Variants in PRKDC observed in about 807,000 individuals in gnomAD.
PRKDC encodes the protein protein kinase, DNA-activated, catalytic subunit, also known as DNA-dependent protein kinase catalytic subunit.
Under a neutral mutation model 486.9 loss-of-function variants are expected in PRKDC, and 82 were observed. The ratio of observed to expected loss-of-function variants is 0.17; its 90% CI spans 0.14 to 0.20. The LOEUF (loss-of-function observed/expected upper bound fraction) is 0.20, where lower values mean the gene tolerates loss of function less well. Ranked by LOEUF, PRKDC falls within the 10% of genes least tolerant of loss-of-function variation. The pLI, the probability that PRKDC is intolerant of heterozygous loss-of-function variation, is 1.00. For missense variants in PRKDC, 4,504 were observed against 5,038.2 expected (o/e 0.89, Z 3.21); for synonymous variants, 1,895 against 1,837.0 (o/e 1.03, Z -0.81).
intron 15 of PRKDC, 130 bp from the exon 16 acceptor site, chr8:47,933,302 C>T (rs1432966942): frequency 1.4e-6 from 1 of 723,608 alleles, no homozygotes. Flanking sequence ...TGATAAACTG[C>T]AGCAGATTTA....
intron 30 of PRKDC, among the ~76,000 whole-genome samples, chr8:47,894,096 C>G (rs1341171187): frequency 6.6e-6 from 1 of 152,094 alleles, no homozygotes; most frequent in Non-Finnish European, 1.5e-5. Context: ...GCCTGGCCAA[C>G]ATGGTGAAAC....
At chr8:47,871,404 A>C (rs938577905) in intron 40 of PRKDC, among the ~76,000 whole-genome samples, 2 of 152,194 alleles carry the variant, frequency 1.3e-5, no homozygotes, top group African/African-American at 4.8e-5. Context: ...TATGGGTGGA[A>C]ACTTTACAGG....
At chr8:47,906,776 A>G (rs2089790827) in intron 25 of PRKDC, among the ~76,000 whole-genome samples, 2 of 151,484 alleles carry the variant, frequency 1.3e-5, no homozygotes, top group South Asian at 4.1e-4. Flanking sequence ...GAGCTCAACA[A>G]TTAAGTACTT....
chr8:47,941,729 G>C (rs1300171077), intron 10 of PRKDC, among the ~76,000 whole-genome samples: 1 of 152,192 alleles, frequency 6.6e-6, no homozygotes, highest in African/African-American at 2.4e-5. Context: ...TCCCAAACTT[G>C]CAACAGGCAT....
At chr8:47,956,366 G>A (rs1159519695) in intron 3 of PRKDC, among the ~76,000 whole-genome samples, 1 of 151,124 alleles carries the variant, frequency 6.6e-6, no homozygotes, top group Non-Finnish European at 1.5e-5. Flanking sequence ...TGTGGTTCAC[G>A]CCTATAATCC....
chr8:47,861,341 G>A (rs2088673313), intron 44 of PRKDC, among the ~76,000 whole-genome samples: 1 of 152,136 alleles, frequency 6.6e-6, no homozygotes, highest in Non-Finnish European at 1.5e-5. Context: ...GTAAAATATA[G>A]AAGTAACATA....
chr8:47,825,516 A>AC (rs1157899604), intron 63 of PRKDC, among the ~76,000 whole-genome samples: 1 of 150,806 alleles, frequency 6.6e-6, no homozygotes, highest in African/African-American at 2.4e-5. Flanking sequence ...AAAAAAAAAA[A>AC]AAAAAAAAAA....
Position 47,888,617 on chromosome 8 carries a change from G to A in PRKDC, c.4314C>T (p.Gly1438=), listed in dbSNP as rs771018937. 5 of 1,594,332 alleles carry A rather than the reference G, an allele frequency of 3.1e-6. No individual in the cohort carries two copies. The highest frequency in any genetic ancestry group is 4.5e-5 in the East Asian group (2 of 44,286). Residue 1438 remains glycine (G), a synonymous_variant, in exon 34 of 86, where the codon GGC becomes GGT. Transcript: ENST00000314191. ...TGCTCCTGTCCACTTGCGCGTCAGG[G>A]CCATACAAGTTGACGGCACAAAGCT... The part of the protein sequence containing the change: ...IEELCAVNLY[G]PDAQVDRSRL...
At position 47,839,260 on chromosome 8, in the gene PRKDC, C is replaced by G. The variant is rs757106013; in HGVS notation, c.7455-14G>C. On this transcript the variant is annotated splice_polypyrimidine_tract_variant and intron_variant, in intron 55 of 85. Coordinates refer to ENST00000314191, the MANE Select transcript of PRKDC (RefSeq NM_006904.7). ...CTTTCTGGATCTCTGCTTGAGAAAACAGCAAAATGTCACAACATTAATGCT... is the reference window on the plus strand; with the variant it reads ...CTTTCTGGATCTCTGCTTGAGAAAAGAGCAAAATGTCACAACATTAATGCT... 6.3e-6 allele frequency: 10 copies of G among 1,576,496 alleles called. No homozygotes were observed. In the South Asian group the frequency reaches 1.1e-4, roughly 18 times the overall value.
intron 40 of PRKDC, among the ~76,000 whole-genome samples, chr8:47,873,272 C>T (rs1199089243): frequency 6.8e-6 from 1 of 147,724 alleles, no homozygotes; most frequent in African/African-American, 2.5e-5. Flanking sequence ...CGAGTTGGCT[C>T]AAGCCTGTAA....
At position 47,892,835 on chromosome 8, in the gene PRKDC, T is replaced by C. The variant is rs557158560; in HGVS notation, c.3847+304A>G. On this transcript the variant is annotated intron_variant, in intron 31 of 85. Transcript: ENST00000314191. ...GATGCTGTACATAAAACTGCTACAG[T>C]ATTCATTGTTCATGGAATACGTTTT... Among the ~76,000 whole-genome samples, 8 of 152,344 alleles carry C rather than the reference T, an allele frequency of 5.3e-5. No individual in the cohort carries two copies. The South Asian group carries it at 1.7e-3, about 32-fold the overall frequency.
Position 47,910,481 on chromosome 8 carries a change from G to T in PRKDC, c.2934+1929C>A, listed in dbSNP as rs926342044. The stretch of plus-strand genomic sequence containing the variant: ...GACACAATTTTCATATACACACAAG[G>T]GGCCATTTCCCAGCACCTAGCTCTC... On this transcript the variant is annotated intron_variant, in intron 25 of 85. Transcript: ENST00000314191. 2.0e-5 allele frequency among the ~76,000 whole-genome samples: 3 copies of T among 151,948 alleles called. No individual in the cohort carries two copies. In the South Asian group the frequency reaches 6.2e-4, roughly 32 times the overall value.
At chr8:47,779,278 A>G (rs1288242095) in intron 80 of PRKDC, 185 bp from the exon 81 acceptor site, 7 of 512,400 alleles carry the variant, frequency 1.4e-5, no homozygotes, top group South Asian at 3.2e-5. Context: ...TCAATATACC[A>G]TTATTCATTC....
At chr8:47,890,541 A>G in intron 31 of PRKDC, 61 bp from the exon 32 acceptor site, 1 of 1,321,862 alleles carries the variant, frequency 7.6e-7, no homozygotes, top group Non-Finnish European at 1.0e-6. Flanking sequence ...TAAGATTAAC[A>G]TAAAATTGCT....
intron 25 of PRKDC, among the ~76,000 whole-genome samples, chr8:47,906,852 A>G (rs779010422): frequency 6.6e-6 from 1 of 151,480 alleles, no homozygotes; most frequent in East Asian, 1.9e-4. Context: ...CCCAGGGCTC[A>G]GACTAAACAA....
At chr8:47,822,893 A>C (rs1441461801) in intron 64 of PRKDC, among the ~76,000 whole-genome samples, 4 of 152,186 alleles carry the variant, frequency 2.6e-5, no homozygotes, top group Non-Finnish European at 2.9e-5. Flanking sequence ...GGAATGTACA[A>C]AACTGAACTT....
chr8:47,842,252 G>C (rs2088165068), intron 54 of PRKDC, among the ~76,000 whole-genome samples: 1 of 152,088 alleles, frequency 6.6e-6, no homozygotes, highest in African/African-American at 2.4e-5. Context: ...TGGTGAGGGG[G>C]TCATCTCCCT....
chr8:47,850,554 A>C (rs894302928), intron 52 of PRKDC, among the ~76,000 whole-genome samples: 3 of 152,224 alleles, frequency 2.0e-5, no homozygotes, highest in Non-Finnish European at 2.9e-5. Flanking sequence ...ATCTTAAGGA[A>C]AACCCTTAAC....
In PRKDC at chr8:47,912,492, C is replaced by A. The variant is rs1282565322; in HGVS notation, c.2852G>T (p.Gly951Val). The change falls in exon 25 of 86, where the codon GGG (glycine) becomes GTG (valine). Residue 951 changes from glycine (G) to valine (V), a missense_variant. Gly to Val is a moderately radical substitution (Grantham distance 109). Transcript: ENST00000314191. ...GTACATGGGTGGGGCTCCCTGTCCC[C>A]CTTCTGGCATCTGCGTGGCTTTGCC... ...MLGKATQMPE[G>V]GQGAPPMYQL... 6.2e-7 allele frequency: 1 copy of A among 1,612,616 alleles called. No homozygotes were observed. Among genetic ancestry groups the A allele is most frequent in the Non-Finnish European group, 8.5e-7 (1 of 1,179,148 alleles).
Sources: allele counts gnomAD v4.1 joint callset (sites outside exome capture counted in the v4.1 genomes callset), GRCh38; gene constraint gnomAD v4.1.1; transcripts MANE v1.5; gene names NCBI Gene and HGNC (gene_info 2026-07-23, HGNC 2026-07-21).